Variants in DSCAM observed in about 807,000 individuals in gnomAD.
DSCAM encodes DS cell adhesion molecule, also known as cell adhesion molecule DSCAM.
DSCAM carries 47 observed loss-of-function variants against 217.7 expected under a neutral mutation model. The observed-to-expected ratio is 0.22, with a 90% CI of 0.17 to 0.28. DSCAM has a LOEUF of 0.28. Among genes scored for constraint, DSCAM ranks in the 10% least tolerant of loss-of-function variants. The pLI is 1.00. For synonymous variants in DSCAM, 1,056 were observed against 1,015.3 expected (o/e 1.04, Z -0.76); for missense variants, 2,080 against 2,618.3 (o/e 0.79, Z 4.49).
chr21:40,814,686 G>T (rs1374309920), intron 1 of DSCAM, among the ~76,000 whole-genome samples: 1 of 152,096 alleles, frequency 6.6e-6, no homozygotes, highest in South Asian at 2.1e-4. Context: ...AAGATGAGAC[G>T]TTGACCTGCA....
chr21:40,715,444 G>T (rs1259113702), intron 1 of DSCAM, among the ~76,000 whole-genome samples: 1 of 152,184 alleles, frequency 6.6e-6, no homozygotes, highest in African/African-American at 2.4e-5. Flanking sequence ...ATTGCCAAAA[G>T]GTGGCAGAGA....
At chr21:40,609,316 G>A (rs2089282738) in intron 3 of DSCAM, among the ~76,000 whole-genome samples, 2 of 152,166 alleles carry the variant, frequency 1.3e-5, no homozygotes, top group Non-Finnish European at 2.9e-5. Context: ...TTTAGAAAGA[G>A]TGAAACTATG....
At chr21:40,200,353 C>G (rs575857109) in intron 11 of DSCAM, among the ~76,000 whole-genome samples, 1 of 152,310 alleles carries the variant, frequency 6.6e-6, no homozygotes, top group South Asian at 2.1e-4. Flanking sequence ...CTTTCCGTCT[C>G]TATGAATTTG....
chr21:40,299,983 C>T (rs2073996626), intron 9 of DSCAM, among the ~76,000 whole-genome samples: 1 of 152,064 alleles, frequency 6.6e-6, no homozygotes. Context: ...GTTTCACGTA[C>T]TCCTAGTTCC....
intron 8 of DSCAM, among the ~76,000 whole-genome samples, chr21:40,326,178 A>T (rs933606132): frequency 6.6e-6 from 1 of 152,210 alleles, no homozygotes; most frequent in Non-Finnish European, 1.5e-5. Context: ...AAAACAAAAT[A>T]AGGATCTTGC....
intron 1 of DSCAM, among the ~76,000 whole-genome samples, chr21:40,790,865 A>G (rs1435470751): frequency 2.6e-5 from 4 of 152,184 alleles, no homozygotes; most frequent in African/African-American, 9.6e-5. Flanking sequence ...AAAACAGGGA[A>G]AAGGTCTTCA....
chr21:40,604,923 G>C (rs2089212540), intron 3 of DSCAM, among the ~76,000 whole-genome samples: 1 of 152,174 alleles, frequency 6.6e-6, no homozygotes, highest in African/African-American at 2.4e-5. Flanking sequence ...AGGATAGAAG[G>C]GGGCACCAGT....
chr21:40,561,977 T>C (rs1339458241), intron 3 of DSCAM, among the ~76,000 whole-genome samples: 2 of 152,232 alleles, frequency 1.3e-5, no homozygotes, highest in East Asian at 3.8e-4. Flanking sequence ...CGGTGACATT[T>C]TCAAACACTA....
At chr21:40,559,221 G>A (rs552467550) in intron 3 of DSCAM, among the ~76,000 whole-genome samples, 3 of 152,302 alleles carry the variant, frequency 2.0e-5, no homozygotes, top group Non-Finnish European at 4.4e-5. Context: ...ACCTTTGGGA[G>A]GCTGAGGCGG....
intron 3 of DSCAM, among the ~76,000 whole-genome samples, chr21:40,655,897 A>G (rs2090070166): frequency 6.6e-6 from 1 of 152,120 alleles, no homozygotes; most frequent in African/African-American, 2.4e-5. Flanking sequence ...TACGAAAAAT[A>G]CAAAAATTAG....
At chr21:40,060,818 ACT>A (rs903688987) in intron 28 of DSCAM, among the ~76,000 whole-genome samples, 1 of 151,968 alleles carries the variant, frequency 6.6e-6, no homozygotes, top group Non-Finnish European at 1.5e-5. Flanking sequence ...AAGTCATGTG[ACT>A]CTGACTTCTT....
chr21:40,249,029 G>T (rs1379473693), intron 11 of DSCAM, among the ~76,000 whole-genome samples: 1 of 152,172 alleles, frequency 6.6e-6, no homozygotes, highest in African/African-American at 2.4e-5. Flanking sequence ...TGACCCCCAT[G>T]ATTCAATTAT....
intron 1 of DSCAM, among the ~76,000 whole-genome samples, chr21:40,784,092 AT>A: frequency 6.7e-6 from 1 of 150,210 alleles, no homozygotes; most frequent in African/African-American, 2.4e-5. Flanking sequence ...TTATATATTT[AT>A]AACTATTTAT....
At chr21:40,171,806 G>A (rs1044634766) in intron 15 of DSCAM, among the ~76,000 whole-genome samples, 1 of 152,010 alleles carries the variant, frequency 6.6e-6, no homozygotes, top group Non-Finnish European at 1.5e-5. Context: ...CTCCTGAGCT[G>A]TAATTTTTTC....
intron 1 of DSCAM, among the ~76,000 whole-genome samples, chr21:40,790,180 C>CTTTT (rs771986567): frequency 2.2e-4 from 27 of 125,338 alleles, no homozygotes; most frequent in African/African-American, 3.0e-4. Flanking sequence ...TTCTTTCTTT[C>CTTTT]TTTTTTTTTT....
At chr21:40,385,577 G>A (rs2123741851) in intron 3 of DSCAM, among the ~76,000 whole-genome samples, 1 of 152,234 alleles carries the variant, frequency 6.6e-6, no homozygotes, top group South Asian at 2.1e-4. Flanking sequence ...GTATTGCATT[G>A]ACAGAATTTG....
At position 40,795,760 on chromosome 21, in the gene DSCAM, G is replaced by A. The variant is rs736971; in HGVS notation, c.43+50859C>T. The stretch of plus-strand genomic sequence containing the variant: ...TATGATGGCCAGGAAGAAGTCAATC[G>A]TTGTCTAAAATTATTTGGAAATAAC... On this transcript the variant is annotated intron_variant, in intron 1 of 32. Transcript: ENST00000400454. Among the ~76,000 whole-genome samples the A allele has an allele frequency of 0.014, 2,094 of 152,258 alleles. 100 individuals are homozygous for A. In the East Asian group the frequency reaches 0.18, roughly 13 times the overall value.
intron 3 of DSCAM, among the ~76,000 whole-genome samples, chr21:40,664,621 T>A (rs1239169887): frequency 6.6e-6 from 1 of 152,188 alleles, no homozygotes; most frequent in Admixed American, 6.5e-5. Context: ...GTTAGGGAAA[T>A]TTGGCCAGAC....
chr21:40,405,385 T>G (rs865928277), intron 3 of DSCAM, among the ~76,000 whole-genome samples: 11 of 152,172 alleles, frequency 7.2e-5, no homozygotes, highest in Non-Finnish European at 1.3e-4. Flanking sequence ...GGGGTAAGCA[T>G]TAGTGATATA....
Sources: gnomAD v4.1 joint callset for allele counts (sites outside exome capture counted in the v4.1 genomes callset) on GRCh38, gnomAD v4.1.1 for gene constraint, MANE v1.5 for transcripts, NCBI Gene and HGNC (gene_info 2026-07-23, HGNC 2026-07-21) for gene names.